The following CYFIP2 variants were observed in gnomAD, a reference collection of about 807,000 sequenced individuals.
CYFIP2 encodes cytoplasmic FMR1 interacting protein 2, also known as cytoplasmic FMR1-interacting protein 2.
A neutral mutation model predicts 158.7 loss-of-function variants in CYFIP2; 29 were observed. The ratio of observed to expected loss-of-function variants is 0.18; its 90% CI spans 0.14 to 0.25. The LOEUF (loss-of-function observed/expected upper bound fraction) is 0.25, where lower values mean the gene tolerates loss of function less well. Among genes scored for constraint, CYFIP2 ranks in the 10% least tolerant of loss-of-function variants. The probability of loss-of-function intolerance (pLI) is 1.00; values close to 1 mark genes in which losing one functional copy is unlikely to be tolerated. For missense variants in CYFIP2, 852 were observed against 1,639.5 expected, an observed-to-expected ratio of 0.52 and a Z score of 8.29; for synonymous variants, 585 against 617.6, an observed-to-expected ratio of 0.95 and a Z score of 0.78.
intron 20 of CYFIP2, among the ~76,000 whole-genome samples, chr5:157,331,879 G>A (rs1434335700): frequency 1.3e-5 from 2 of 152,212 alleles, no homozygotes; most frequent in Non-Finnish European, 2.9e-5. Context: ...GCAAAGTGCT[G>A]TGGACACAGC....
intron 15 of CYFIP2, chr5:157,322,995 C>T (rs1396324853): frequency 1.3e-6 from 2 of 1,536,058 alleles, no homozygotes; most frequent in Admixed American, 3.9e-5. Flanking sequence ...GCACACAGGG[C>T]CGAAGAGGCT....
chr5:157,354,476 G>C (rs1045488287), intron 23 of CYFIP2, among the ~76,000 whole-genome samples: 16 of 152,120 alleles, frequency 1.1e-4, no homozygotes, highest in African/African-American at 3.6e-4. Flanking sequence ...TATTGAGCCA[G>C]CAGGTCAGAT....
chr5:157,318,499 C>T (rs971238442), intron 13 of CYFIP2, among the ~76,000 whole-genome samples: 2 of 152,232 alleles, frequency 1.3e-5, no homozygotes, highest in Non-Finnish European at 1.5e-5. Flanking sequence ...TAAAGCTCAT[C>T]ACCAACAAAA....
At chr5:157,356,171 G>A (rs2113338321) in intron 23 of CYFIP2, among the ~76,000 whole-genome samples, 1 of 152,262 alleles carries the variant, frequency 6.6e-6, no homozygotes, top group Non-Finnish European at 1.5e-5. Flanking sequence ...CTAAGATTAA[G>A]GTGCCAACAG....
intron 23 of CYFIP2, among the ~76,000 whole-genome samples, chr5:157,349,633 T>G (rs570333933): frequency 2.0e-4 from 30 of 152,368 alleles, no homozygotes; most frequent in Non-Finnish European, 3.5e-4. Context: ...AGATACCCAG[T>G]AGTGGGATTG....
chr5:157,309,878 C>T (rs1759562124), intron 10 of CYFIP2, 44 bp downstream of exon 10: 3 of 1,539,298 alleles, frequency 1.9e-6, no homozygotes, highest in Middle Eastern at 1.7e-4. Context: ...CAAGGATGCC[C>T]AGCCCGGGCA....
At chr5:157,385,851 T>G (rs1766626884) in intron 28 of CYFIP2, among the ~76,000 whole-genome samples, 1 of 151,926 alleles carries the variant, frequency 6.6e-6, no homozygotes, top group African/African-American at 2.4e-5. Context: ...CACAAATGTT[T>G]TCTCTATCCC....
chr5:157,364,795 C>G (rs560568991), intron 26 of CYFIP2: 1 of 151,524 alleles, frequency 6.6e-6, no homozygotes, highest in Non-Finnish European at 1.5e-5. Flanking sequence ...AAATGACATA[C>G]CAATTCTTCT....
rs1378031133 is a variant in CYFIP2, at chr5:157,307,962, GT to G, written c.900+104del. The G allele has an allele frequency of 1.1e-5, 8 of 704,342 alleles. No individual in the cohort carries two copies. In the East Asian group the frequency reaches 2.0e-4, roughly 17 times the overall value. 43.6% of individuals were successfully genotyped at this position (704,342 alleles called of 1,614,324 possible). On this transcript the variant is annotated intron_variant, in intron 9 of 30. Transcript: ENST00000620254. ...ATGAAATGAGCCAGAAAACTGTCAG[GT>G]TTTTTTAATTGAGCTGTAGCTCCAA... is the stretch of plus-strand genomic sequence containing the variant.
intron 23 of CYFIP2, among the ~76,000 whole-genome samples, chr5:157,354,597 A>T (rs1233923541): frequency 6.6e-6 from 1 of 151,592 alleles, no homozygotes; most frequent in East Asian, 1.9e-4. Context: ...GATTTTTTTT[A>T]ATCTTAGGAG....
rs1419054881 is a variant in CYFIP2, at chr5:157,311,200, A to C, written c.993-464A>C. 5.7e-5 allele frequency: 24 copies of C among 420,378 alleles called. No homozygotes were observed. The East Asian group carries it at 1.7e-3, about 30-fold the overall frequency. The allele number at this position is 420,378 out of a possible 1,614,324, so 26.0% of individuals were successfully genotyped here. A position where few individuals can be genotyped will look rare whatever the true frequency, so the allele number is the denominator to read the frequency against. On this transcript the variant is annotated intron_variant, in intron 10 of 30. Transcript: ENST00000620254. The surrounding 1 kb of genome is among the most constrained non-coding windows in gnomAD (Gnocchi z 4.7). ...CATGTTGCCAGGGCACTGTTGGAAA[A>C]GAGGCACAGTCACATTCATATTTCC...
intron 3 of CYFIP2, among the ~76,000 whole-genome samples, chr5:157,289,383 G>A (rs748827777): frequency 4.6e-5 from 7 of 152,236 alleles, no homozygotes; most frequent in Non-Finnish European, 1.0e-4. Flanking sequence ...CATAGAGGGT[G>A]TATTCGTTGG....
Position 157,274,178 on chromosome 5 carries a change from G to A in CYFIP2, c.-24+7983G>A, listed in dbSNP as rs1168958037. On this transcript the variant is annotated intron_variant, in intron 1 of 30. Transcript: ENST00000620254. Reference sequence around the variant, plus strand: ...TTCAGTGGTTTTTAATATATTCACAGAGTTGTACAACCCATAATCGTAGTC... The same window carrying A: ...TTCAGTGGTTTTTAATATATTCACAAAGTTGTACAACCCATAATCGTAGTC... Among the ~76,000 whole-genome samples, 6 of 146,972 alleles carry A rather than the reference G, an allele frequency of 4.1e-5. No individual in the cohort carries two copies. The Admixed American group carries it at 4.1e-4, about 10-fold the overall frequency.
intron 3 of CYFIP2, among the ~76,000 whole-genome samples, chr5:157,289,778 A>G (rs60074142): frequency 0.02 from 3,044 of 152,314 alleles, 106 homozygotes; most frequent in African/African-American, 0.07. Context: ...GGGGCACACA[A>G]TTCAGCCCAT....
intron 19 of CYFIP2, among the ~76,000 whole-genome samples, chr5:157,329,702 T>A (rs184466894): frequency 6.6e-6 from 1 of 152,312 alleles, no homozygotes; most frequent in Admixed American, 6.5e-5. Context: ...TATTAGAGAT[T>A]TTTCATTCTT....
chr5:157,295,142 G>A (rs1280219035), intron 4 of CYFIP2, among the ~76,000 whole-genome samples: 2 of 152,172 alleles, frequency 1.3e-5, no homozygotes, highest in Non-Finnish European at 2.9e-5. Flanking sequence ...AGGGTATGAA[G>A]TAAAAAGAAA....
intron 11 of CYFIP2, among the ~76,000 whole-genome samples, chr5:157,312,098 A>G (rs980412865): frequency 3.9e-5 from 6 of 152,202 alleles, no homozygotes; most frequent in Non-Finnish European, 5.9e-5. Flanking sequence ...GGGCCTGGTG[A>G]TGGTTAGTTC....
chr5:157,386,039 A>T (rs1766649613), intron 28 of CYFIP2, among the ~76,000 whole-genome samples: 1 of 152,230 alleles, frequency 6.6e-6, no homozygotes, highest in African/African-American at 2.4e-5. Context: ...AGAGAAAATG[A>T]TAGACATACC....
intron 21 of CYFIP2, among the ~76,000 whole-genome samples, chr5:157,334,580 A>C (rs1326031545): frequency 6.6e-6 from 1 of 152,214 alleles, no homozygotes; most frequent in Non-Finnish European, 1.5e-5. Context: ...CAAAGTTAAT[A>C]TTACCAGTAA....
Sources: allele counts gnomAD v4.1 joint callset (sites outside exome capture counted in the v4.1 genomes callset), GRCh38; gene constraint gnomAD v4.1.1; non-coding constraint Gnocchi (gnomAD v3.1); transcripts MANE v1.5; gene names NCBI Gene and HGNC (gene_info 2026-07-23, HGNC 2026-07-21).